The following HMGN2 variants were observed in gnomAD, a reference collection of about 807,000 sequenced individuals.
HMGN2 encodes the protein high mobility group nucleosomal binding domain 2.
Under a neutral mutation model 16.9 loss-of-function variants are expected in HMGN2, and 2 were observed. That is an observed-to-expected ratio of 0.12 (90% CI 0.05 to 0.37). The LOEUF (loss-of-function observed/expected upper bound fraction) is 0.37, where lower values mean the gene tolerates loss of function less well. HMGN2 is among the 10% of genes least tolerant of loss of function. The pLI, the probability that HMGN2 is intolerant of heterozygous loss-of-function variation, is 1.00. For missense variants in HMGN2, 90 were observed against 106.0 expected (o/e 0.85, Z 0.66); for synonymous variants, 31 against 34.9 (o/e 0.89, Z 0.39).
At chr1:26,473,625 T>C (rs2075590156) in intron 2 of HMGN2, 78 bp from the exon 3 acceptor site, 2 of 1,565,984 alleles carry the variant, frequency 1.3e-6, no homozygotes, top group Non-Finnish European at 8.8e-7. Context: ...TACACTCCTA[T>C]AATCTAGAGC....
rs1403776259 is a variant in HMGN2, at chr1:26,473,719, C to T, written c.77C>T (p.Ala26Val). ...CTTTAATAGCCACAGAGAAGATCCG[C>T]GAGGTTGTCTGCTGTAAGTGTATGC... ...KVKDEPQRRS[A>V]RLSAKPAPPK... Residue 26 changes from alanine (A) to valine (V), a missense_variant, in exon 3 of 6, where the codon GCG becomes GTG. By Grantham distance (64) the Ala-to-Val change is moderately conservative. Coordinates refer to ENST00000361427, the MANE Select transcript of HMGN2 (RefSeq NM_005517.4). The T allele has an allele frequency of 9.9e-6, 16 of 1,614,016 alleles. No homozygotes were observed. Among genetic ancestry groups the T allele is most frequent in the Non-Finnish European group, 1.3e-5 (15 of 1,179,966 alleles).
chr1:26,474,218 T>G (rs2075593711), intron 4 of HMGN2, 83 bp downstream of exon 4: 1 of 980,784 alleles, frequency 1.0e-6, no homozygotes. Context: ...TAATGGTGCC[T>G]CCATTAATGG....
intron 1 of HMGN2, 118 bp downstream of exon 1, chr1:26,472,745 C>T (rs1274628047): frequency 1.1e-6 from 1 of 922,216 alleles, no homozygotes. Flanking sequence ...CCTCCCCGCG[C>T]GGGGGCTGGA....
intron 5 of HMGN2, 188 bp downstream of exon 5, chr1:26,474,855 A>C (rs1341659500): frequency 1.5e-5 from 9 of 615,006 alleles, no homozygotes; most frequent in Non-Finnish European, 2.6e-5. Flanking sequence ...ATTGTGTTTT[A>C]TACTACATGA....
rs374459467 is a variant in HMGN2, at chr1:26,474,056, A to T, written c.91-29A>T. On this transcript the variant is annotated intron_variant, in intron 3 of 5. Transcript: ENST00000361427. ...TCTTCAGTCCATTGTACTGATGTTC[A>T]CTTTTTCCTCTCTTCCTGCCAAAAA... 177 of 1,599,238 alleles carry T rather than the reference A, an allele frequency of 1.1e-4. 1 individual carries two copies. The African/African-American group carries it at 2.1e-3, about 19-fold the overall frequency.
At chr1:26,473,234 G>A (rs920326057) in intron 1 of HMGN2, 10 of 531,044 alleles carry the variant, frequency 1.9e-5, no homozygotes, top group Non-Finnish European at 2.3e-5. Context: ...TGTTGCTCCT[G>A]CCTGTCGCGG....
At chr1:26,473,284 C>A in intron 1 of HMGN2, 199 bp from the exon 2 acceptor site, 1 of 594,290 alleles carries the variant, frequency 1.7e-6, no homozygotes, top group Non-Finnish European at 3.0e-6. Context: ...GCGCTCCGGT[C>A]CAGCCCTCGC....
At chr1:26,473,813 T>C (rs1189598862) in intron 3 of HMGN2, 81 bp downstream of exon 3, 3 of 1,359,602 alleles carry the variant, frequency 2.2e-6, no homozygotes, top group Non-Finnish European at 3.2e-6. Context: ...CTTCCATGAA[T>C]TATGGTTAGT....
At chr1:26,472,669 G>C (rs1271994449) in intron 1 of HMGN2, 42 bp downstream of exon 1, 3 of 1,486,798 alleles carry the variant, frequency 2.0e-6, no homozygotes, top group Non-Finnish European at 2.7e-6. Context: ...CACCACTGCC[G>C]CCACCGCCGC....
At chr1:26,472,718 A>G in intron 1 of HMGN2, 91 bp downstream of exon 1, 1 of 1,186,922 alleles carries the variant, frequency 8.4e-7, no homozygotes, top group Non-Finnish European at 1.2e-6. Flanking sequence ...ATCGGCGCCG[A>G]GCAGGAGCCA....
intron 5 of HMGN2, 81 bp downstream of exon 5, chr1:26,474,748 G>T: frequency 1.4e-6 from 1 of 730,954 alleles, no homozygotes; most frequent in Non-Finnish European, 2.5e-6. Flanking sequence ...CCCTTTTCTT[G>T]TATCACTCCA....
In HMGN2 at chr1:26,472,476, T is replaced by G; in HGVS notation, c.-137T>G. 2 of 1,058,918 alleles carry G rather than the reference T, an allele frequency of 1.9e-6. No homozygotes were observed. The highest frequency in any genetic ancestry group is 2.8e-6 in the Non-Finnish European group (2 of 722,110). 65.6% of individuals were successfully genotyped at this position (1,058,918 alleles called of 1,614,324 possible). On this transcript the variant is annotated 5_prime_UTR_variant, in exon 1 of 6. Coordinates refer to ENST00000361427, the MANE Select transcript of HMGN2 (RefSeq NM_005517.4). ...CTAACCGGTCCGGGGCTCCCAGCGC[T>G]ATAAAAACTTTATAAACCCCCCGGA... is the stretch of plus-strand genomic sequence containing the variant.
Position 26,475,283 on chromosome 1 carries a change from CAG to C in HMGN2, c.*137_*138del, listed in dbSNP as rs1251885844. On this transcript the variant is annotated 3_prime_UTR_variant, in exon 6 of 6. Transcript: ENST00000361427. ...TTTTAAAAGCTATGTTGTTAGCACA[CAG>C]AACACTTCATTGTTGTTTTTGGGGG... The C allele has an allele frequency of 7.0e-6, 4 of 571,882 alleles. No homozygotes were observed. The highest frequency in any genetic ancestry group is 1.2e-5 in the Non-Finnish European group (4 of 325,220). 35.4% of individuals were successfully genotyped at this position (571,882 alleles called of 1,614,324 possible).
chr1:26,475,661 T>C lies in HMGN2; in HGVS notation c.*513T>C. 1 of 330,168 alleles carries C rather than the reference T, an allele frequency of 3.0e-6. No individual in the cohort carries two copies. Among genetic ancestry groups the C allele is most frequent in the Non-Finnish European group, 6.0e-6 (1 of 167,750 alleles). 20.5% of individuals were successfully genotyped at this position (330,168 alleles called of 1,614,324 possible). A position where few individuals can be genotyped will look rare whatever the true frequency, so the allele number is the denominator to read the frequency against. ...AAAGAGCAGTGGTTCCATTTCTAGA[T>C]TGTGGATCTTCAGATAAATTCTGCC... On this transcript the variant is annotated 3_prime_UTR_variant, in exon 6 of 6. Coordinates refer to ENST00000361427, the MANE Select transcript of HMGN2 (RefSeq NM_005517.4).
In HMGN2 at chr1:26,476,497, A is replaced by C. The variant is rs975153782; in HGVS notation, c.*1349A>C. Among the ~76,000 whole-genome samples the C allele has an allele frequency of 6.6e-6, 1 of 152,204 alleles. No individual in the cohort carries two copies. The highest frequency in any genetic ancestry group is 2.4e-5 in the African/African-American group (1 of 41,446). ...CCTGATTCCTTTAGTTTGGAGATGCAGAGAACCCCACGTTTCTCTAAGTGA... is the reference window on the plus strand; with the variant it reads ...CCTGATTCCTTTAGTTTGGAGATGCCGAGAACCCCACGTTTCTCTAAGTGA... On this transcript the variant is annotated 3_prime_UTR_variant, in exon 6 of 6. Transcript: ENST00000361427.
chr1:26,472,634 G>A lies in HMGN2; in HGVS notation c.15+7G>A. 6.5e-7 allele frequency: 1 copy of A among 1,531,370 alleles called. No homozygotes were observed. 94.9% of individuals were successfully genotyped at this position (1,531,370 alleles called of 1,614,324 possible). A position where few individuals can be genotyped will look rare whatever the true frequency, so the allele number is the denominator to read the frequency against. The stretch of plus-strand genomic sequence containing the variant: ...CACCATGCCCAAGAGAAAGGTACGT[G>A]GCGCGAGGGCCCCAGGCGCCGGGCC... On this transcript the variant is annotated splice_region_variant and intron_variant, in intron 1 of 5. Transcript: ENST00000361427.
rs376412562 is a variant in HMGN2, at chr1:26,475,250, T to C, written c.*102T>C. On this transcript the variant is annotated 3_prime_UTR_variant, in exon 6 of 6. Transcript: ENST00000361427. ...AAAATGCAGAATTTTGTTTTACTTT[T>C]TTTTTTTTTTTAAAAGCTATGTTGT... is the stretch of plus-strand genomic sequence containing the variant. The C allele has an allele frequency of 1.0e-3, 820 of 814,232 alleles. 1 individual carries two copies. Among genetic ancestry groups the C allele is most frequent in the Non-Finnish European group, 1.4e-3 (712 of 513,184 alleles). 50.4% of individuals were successfully genotyped at this position (814,232 alleles called of 1,614,324 possible).
Position 26,474,829 on chromosome 1 carries a change from C to T in HMGN2, c.237+162C>T, listed in dbSNP as rs17162159. 2.3e-3 allele frequency: 1,432 copies of T among 628,032 alleles called. 16 individuals carry two copies. The African/African-American group carries it at 0.023, about 10-fold the overall frequency. The allele number at this position is 628,032 out of a possible 1,614,324, so 38.9% of individuals were successfully genotyped here. A position where few individuals can be genotyped will look rare whatever the true frequency, so the allele number is the denominator to read the frequency against. On this transcript the variant is annotated intron_variant, in intron 5 of 5. Coordinates refer to ENST00000361427, the MANE Select transcript of HMGN2 (RefSeq NM_005517.4). ...AAATCCTGGATTCTTGAAATCTCTACTGTCAGCTGAAGGGCATTGTGTTTT... is the reference window on the plus strand; with the variant it reads ...AAATCCTGGATTCTTGAAATCTCTATTGTCAGCTGAAGGGCATTGTGTTTT...
chr1:26,472,519 A>G lies in HMGN2; in HGVS notation c.-94A>G. The G allele has an allele frequency of 7.0e-7, 1 of 1,428,610 alleles. No homozygotes were observed. Among genetic ancestry groups the G allele is most frequent in the Non-Finnish European group, 9.5e-7 (1 of 1,052,496 alleles). The allele number at this position is 1,428,610 out of a possible 1,614,324, so 88.5% of individuals were successfully genotyped here. A position where few individuals can be genotyped will look rare whatever the true frequency, so the allele number is the denominator to read the frequency against. ...CCCCCGGAGCCCGAGCAGTGTGAAG[A>G]AGAGGCGAGAACGACCCCCGGACCG... is the stretch of plus-strand genomic sequence containing the variant. On this transcript the variant is annotated 5_prime_UTR_variant, in exon 1 of 6. Coordinates refer to ENST00000361427, the MANE Select transcript of HMGN2 (RefSeq NM_005517.4).
Sources: gnomAD v4.1 joint callset for allele counts (sites outside exome capture counted in the v4.1 genomes callset) on GRCh38, gnomAD v4.1.1 for gene constraint, MANE v1.5 for transcripts, NCBI Gene and HGNC (gene_info 2026-07-23, HGNC 2026-07-21) for gene names.